The following COL21A1 variants were observed in gnomAD, a reference collection of about 807,000 sequenced individuals.
COL21A1 encodes collagen type XXI alpha 1 chain.
COL21A1 carries 149 observed loss-of-function variants against 137.9 expected under a neutral mutation model. The ratio of observed to expected loss-of-function variants is 1.08; its 90% confidence interval spans 0.95 to 1.24. The LOEUF (loss-of-function observed/expected upper bound fraction) is 1.24. Ranked by LOEUF, COL21A1 falls within the 50% of genes most tolerant of loss-of-function variation. The probability of loss-of-function intolerance (pLI) is 0.00; values close to 1 mark genes in which losing one functional copy is unlikely to be tolerated. For missense variants in COL21A1, 1,167 were observed against 1,158.4 expected, an observed-to-expected ratio of 1.01 and a Z score of -0.11; for synonymous variants, 456 against 391.5, an observed-to-expected ratio of 1.16 and a Z score of -1.95.
chr6:56,258,828 G>A (rs868131937), intron 1 of COL21A1, among the ~76,000 whole-genome samples: 3 of 152,110 alleles, frequency 2.0e-5, no homozygotes, highest in Admixed American at 6.6e-5. Context: ...CCAAGCCAGC[G>A]TTTCTCAAAT....
chr6:56,060,936 A>T lies in COL21A1; in HGVS notation c.2307T>A (p.Pro769=), dbSNP rs368727301. The change falls in exon 26 of 30, where the codon CCT becomes CCA. Residue 769 remains proline, a synonymous_variant. Transcript: ENST00000244728. The part of the protein sequence containing the change: ...LMGPAGPKGQ[P]GDPGPQGPPG... ...GGGGTCCCTGAGGACCTGGATCCCC[A>T]GGTTGCCCCTTAGGACCTGCGGGCC... 34 of 1,585,880 alleles carry T rather than the reference A, an allele frequency of 2.1e-5. No individual in the cohort carries two copies. In the African/African-American group the frequency reaches 2.7e-4, roughly 13 times the overall value.
At chr6:56,197,869 A>G (rs1282335031) in intron 1 of COL21A1, among the ~76,000 whole-genome samples, 1 of 152,142 alleles carries the variant, frequency 6.6e-6, no homozygotes, top group Non-Finnish European at 1.5e-5. Context: ...TCCAAAGGAA[A>G]TAAAATCACT....
At chr6:56,073,260 C>A (rs566205777) in intron 20 of COL21A1, among the ~76,000 whole-genome samples, 1 of 151,582 alleles carries the variant, frequency 6.6e-6, no homozygotes, top group East Asian at 1.9e-4. Context: ...CAAGTTCAGT[C>A]ATTCCAGCAA....
At chr6:56,195,480 A>G (rs1778960843) in intron 1 of COL21A1, among the ~76,000 whole-genome samples, 1 of 151,948 alleles carries the variant, frequency 6.6e-6, no homozygotes, top group Non-Finnish European at 1.5e-5. Flanking sequence ...GAGTATTTTA[A>G]TATATATTTT....
chr6:56,226,121 A>C (rs1453026910), intron 1 of COL21A1, among the ~76,000 whole-genome samples: 3 of 152,044 alleles, frequency 2.0e-5, no homozygotes, highest in Non-Finnish European at 4.4e-5. Flanking sequence ...TTTCTTTTCA[A>C]ATCTAATTTT....
At chr6:56,099,962 C>A (rs1344466184) in intron 17 of COL21A1, among the ~76,000 whole-genome samples, 1 of 152,198 alleles carries the variant, frequency 6.6e-6, no homozygotes, top group Non-Finnish European at 1.5e-5. Flanking sequence ...ACACCAGGAG[C>A]TCATACACTG....
chr6:56,331,492 A>G (rs1765223405), intron 1 of COL21A1, among the ~76,000 whole-genome samples: 1 of 152,014 alleles, frequency 6.6e-6, no homozygotes, highest in Admixed American at 6.6e-5. Flanking sequence ...ACGCTTCTGT[A>G]TATGACAGTG....
chr6:56,060,873 A>C lies in COL21A1; in HGVS notation c.2352+18T>G. On this transcript the variant is annotated intron_variant, in intron 26 of 29. Coordinates refer to ENST00000244728, the MANE Select transcript of COL21A1 (RefSeq NM_030820.4). ...ATCAATGAAAATGTAATAACTGTGA[A>C]AGAAGCAGAATACATACGGGCTTCC... is the stretch of plus-strand genomic sequence containing the variant. The C allele has an allele frequency of 6.3e-7, 1 of 1,583,846 alleles. No individual in the cohort carries two copies. Among genetic ancestry groups the C allele is most frequent in the South Asian group, 1.2e-5 (1 of 85,600 alleles).
intron 1 of COL21A1, among the ~76,000 whole-genome samples, chr6:56,197,275 A>G (rs1302727136): frequency 6.6e-6 from 1 of 152,110 alleles, no homozygotes. Flanking sequence ...AACACAGGGG[A>G]AAAGCTTAAT....
rs549021038 is a variant in COL21A1, at chr6:56,132,835, C to G, written c.1543-6686G>C. Among the ~76,000 whole-genome samples, 20 of 152,110 alleles carry G rather than the reference C, an allele frequency of 1.3e-4. No individual in the cohort carries two copies. In the South Asian group the frequency reaches 4.2e-3, roughly 32 times the overall value. On this transcript the variant is annotated intron_variant, in intron 12 of 29. Transcript: ENST00000244728. The stretch of plus-strand genomic sequence containing the variant: ...ATAAGATCTGATGGTTTTAAAAATG[C>G]GAGTTTCCCTCCACAAGCTGGCTGT...
At chr6:56,300,237 T>C (rs1764250942) in intron 1 of COL21A1, among the ~76,000 whole-genome samples, 1 of 152,096 alleles carries the variant, frequency 6.6e-6, no homozygotes, top group Non-Finnish European at 1.5e-5. Context: ...TGGGATTTGC[T>C]TTGAAATAAT....
At chr6:56,365,137 G>A (rs1024652657) in intron 1 of COL21A1, among the ~76,000 whole-genome samples, 4 of 152,034 alleles carry the variant, frequency 2.6e-5, no homozygotes, top group Non-Finnish European at 1.5e-5. Flanking sequence ...AATTTATCAG[G>A]AATAAAAACA....
chr6:56,368,805 A>T (rs995795023), intron 1 of COL21A1, among the ~76,000 whole-genome samples: 2 of 152,090 alleles, frequency 1.3e-5, no homozygotes, highest in Non-Finnish European at 2.9e-5. Context: ...AGGAAGAGAA[A>T]TTTTCAATGG....
chr6:56,379,754 A>C (rs1454750638), intron 1 of COL21A1, among the ~76,000 whole-genome samples: 2 of 152,224 alleles, frequency 1.3e-5, no homozygotes, highest in Admixed American at 6.5e-5. Flanking sequence ...ACACATAGGC[A>C]AAGTATGAGA....
intron 1 of COL21A1, among the ~76,000 whole-genome samples, chr6:56,252,608 C>G (rs1047650437): frequency 6.6e-5 from 10 of 152,114 alleles, no homozygotes; most frequent in Non-Finnish European, 1.2e-4. Context: ...TATAAATATG[C>G]TACATTTTCC....
upstream of COL21A1, among the ~76,000 whole-genome samples, chr6:56,250,543 G>T (rs758330138): frequency 3.9e-5 from 6 of 152,136 alleles, no homozygotes; most frequent in Non-Finnish European, 7.4e-5. Context: ...AATGAATTTT[G>T]TCAACAACCA....
rs192855315 is a variant in COL21A1, at chr6:56,092,790, T to C, written c.1812+8682A>G. Among the ~76,000 whole-genome samples the C allele has an allele frequency of 5.3e-4, 81 of 152,314 alleles. 2 individuals are homozygous for C. In the South Asian group the frequency reaches 0.016, roughly 31 times the overall value. ...GTGTACTAGTTTCCAATAGCTACTG[T>C]AACAAATTACCACAAACTTGGTTTA... On this transcript the variant is annotated intron_variant, in intron 17 of 29. Coordinates refer to ENST00000244728, the MANE Select transcript of COL21A1 (RefSeq NM_030820.4).
chr6:56,139,175 CA>C (rs1774217297), intron 12 of COL21A1, among the ~76,000 whole-genome samples: 1 of 152,072 alleles, frequency 6.6e-6, no homozygotes. Flanking sequence ...AAGATATTTC[CA>C]AAAATTTTGC....
chr6:56,143,659 C>T (rs1774606826), intron 10 of COL21A1, among the ~76,000 whole-genome samples: 1 of 152,120 alleles, frequency 6.6e-6, no homozygotes, highest in South Asian at 2.1e-4. Flanking sequence ...CACCAGGAAA[C>T]AATGAGTCTG....
Sources: allele counts gnomAD v4.1 joint callset (sites outside exome capture counted in the v4.1 genomes callset), GRCh38; gene constraint gnomAD v4.1.1; transcripts MANE v1.5; gene names NCBI Gene and HGNC (gene_info 2026-07-23, HGNC 2026-07-21).